Variants in SUGCT observed in about 807,000 individuals in gnomAD.
SUGCT encodes the protein succinyl-CoA:glutarate-CoA transferase.
A neutral mutation model predicts 55.0 loss-of-function variants in SUGCT; 41 were observed. The observed-to-expected ratio is 0.74, with a 90% confidence interval of 0.58 to 0.97. The LOEUF (loss-of-function observed/expected upper bound fraction) is 0.97. Ranked by LOEUF, SUGCT falls within the 50% of genes least tolerant of loss-of-function variation. The pLI is 0.00. For missense variants in SUGCT, 568 were observed against 547.8 expected, an observed-to-expected ratio of 1.04 and a Z score of -0.37; for synonymous variants, 187 against 200.4, an observed-to-expected ratio of 0.93 and a Z score of 0.56.
chr7:40,845,118 G>A (rs919616692), intron 13 of SUGCT, among the ~76,000 whole-genome samples: 1 of 151,926 alleles, frequency 6.6e-6, no homozygotes, highest in Admixed American at 6.6e-5. Context: ...TACTCATATG[G>A]TAGATGCTGT....
the SUGCT span, among the ~76,000 whole-genome samples, chr7:40,968,716 C>T: frequency 1.3e-5 from 2 of 152,276 alleles, no homozygotes; most frequent in East Asian, 3.9e-4. Context: ...TTAATGTTCA[C>T]CAAGACAAGA....
At chr7:40,389,408 C>T (rs186854431) in intron 9 of SUGCT, among the ~76,000 whole-genome samples, 117 of 151,936 alleles carry the variant, frequency 7.7e-4, no homozygotes, top group African/African-American at 2.6e-3. Flanking sequence ...GTCATGACTA[C>T]GCCACTGTAC....
At chr7:41,008,045 C>T in the SUGCT span, among the ~76,000 whole-genome samples, 1 of 152,124 alleles carries the variant, frequency 6.6e-6, no homozygotes, top group African/African-American at 2.4e-5. Context: ...ACTCTGGCTG[C>T]TTAGAAAGAG....
chr7:40,681,329 A>G (rs1037045540), intron 12 of SUGCT, among the ~76,000 whole-genome samples: 6 of 152,152 alleles, frequency 3.9e-5, no homozygotes, highest in Non-Finnish European at 7.4e-5. Context: ...ACCAGTGCCC[A>G]ATGATTTAAT....
intron 13 of SUGCT, among the ~76,000 whole-genome samples, chr7:40,816,085 G>A (rs1468648214): frequency 1.3e-5 from 2 of 152,238 alleles, no homozygotes; most frequent in Non-Finnish European, 2.9e-5. Context: ...AACTACAGCT[G>A]TAGCAGCTCT....
At chr7:40,470,048 G>A (rs1389897429) in intron 11 of SUGCT, among the ~76,000 whole-genome samples, 3 of 152,086 alleles carry the variant, frequency 2.0e-5, no homozygotes, top group East Asian at 1.9e-4. Flanking sequence ...CCCTTGAAAC[G>A]TGGTGGAAGA....
At chr7:40,329,283 T>C (rs17171685) in intron 9 of SUGCT, among the ~76,000 whole-genome samples, 105,328 of 151,974 alleles carry the variant, frequency 0.69, 36,868 homozygotes, top group East Asian at 0.99. Context: ...TGTTAAGTAC[T>C]GAAGTGAATC....
At chr7:40,295,415 A>G (rs930913530) in intron 8 of SUGCT, among the ~76,000 whole-genome samples, 1 of 152,054 alleles carries the variant, frequency 6.6e-6, no homozygotes, top group Non-Finnish European at 1.5e-5. Context: ...ATCTCTACTA[A>G]AAATACAAAA....
the SUGCT span, among the ~76,000 whole-genome samples, chr7:41,033,720 G>A: frequency 1.3e-5 from 2 of 152,076 alleles, no homozygotes; most frequent in African/African-American, 2.4e-5. Flanking sequence ...CAGAGCCCAG[G>A]AACTTGAATT....
chr7:40,578,069 G>C (rs969463993), intron 12 of SUGCT, among the ~76,000 whole-genome samples: 1 of 152,032 alleles, frequency 6.6e-6, no homozygotes, highest in African/African-American at 2.4e-5. Context: ...TAACACATTG[G>C]TTCTCAAACC....
intron 12 of SUGCT, among the ~76,000 whole-genome samples, chr7:40,623,434 G>A (rs867418175): frequency 6.6e-6 from 1 of 152,140 alleles, no homozygotes. Flanking sequence ...GTAAATAGGA[G>A]AGCTGCATTT....
chr7:40,638,269 A>T (rs1361838603), intron 12 of SUGCT, among the ~76,000 whole-genome samples: 1 of 152,190 alleles, frequency 6.6e-6, no homozygotes, highest in African/African-American at 2.4e-5. Flanking sequence ...AAGTGAATTC[A>T]AGTGGTTTAT....
At chr7:40,805,545 C>A (rs1472401264) in intron 13 of SUGCT, among the ~76,000 whole-genome samples, 1 of 152,194 alleles carries the variant, frequency 6.6e-6, no homozygotes, top group East Asian at 1.9e-4. Flanking sequence ...CTGAATAATT[C>A]ATTCATCAAA....
chr7:40,585,702 C>T (rs141234379), intron 12 of SUGCT, among the ~76,000 whole-genome samples: 1,840 of 152,096 alleles, frequency 0.012, 14 homozygotes, highest in Middle Eastern at 0.034. Context: ...TTTTTTGAGA[C>T]GGGATCTCAC....
At chr7:40,376,451 A>G (rs1213996074) in intron 9 of SUGCT, among the ~76,000 whole-genome samples, 3 of 149,700 alleles carry the variant, frequency 2.0e-5, no homozygotes, top group Non-Finnish European at 3.0e-5. Flanking sequence ...ATGCAGTGGC[A>G]CGTGATCTCC....
chr7:40,267,718 A>G (rs1791694689), intron 7 of SUGCT, among the ~76,000 whole-genome samples: 1 of 152,062 alleles, frequency 6.6e-6, no homozygotes. Flanking sequence ...ACCTGGGAAT[A>G]CTTAGGCACT....
At chr7:40,745,972 G>T (rs998677664) in intron 12 of SUGCT, among the ~76,000 whole-genome samples, 1 of 152,180 alleles carries the variant, frequency 6.6e-6, no homozygotes, top group Non-Finnish European at 1.5e-5. Context: ...AGAGGTTGGG[G>T]TGTTGGGGCC....
intron 12 of SUGCT, among the ~76,000 whole-genome samples, chr7:40,607,420 T>C (rs1194832321): frequency 1.3e-5 from 2 of 152,098 alleles, no homozygotes; most frequent in Non-Finnish European, 2.9e-5. Context: ...ATAATTTACC[T>C]TGTGACATTG....
chr7:40,740,862 T>C (rs2128704395), intron 12 of SUGCT, among the ~76,000 whole-genome samples: 1 of 152,330 alleles, frequency 6.6e-6, no homozygotes, highest in Middle Eastern at 3.4e-3. Flanking sequence ...TTGAAAATGC[T>C]GAAATTAAGA....
Sources: gnomAD v4.1 joint callset for allele counts (sites outside exome capture counted in the v4.1 genomes callset) on GRCh38, gnomAD v4.1.1 for gene constraint, MANE v1.5 for transcripts, NCBI Gene and HGNC (gene_info 2026-07-23, HGNC 2026-07-21) for gene names.